The following TRIM14 variants were observed in gnomAD, a reference collection of about 807,000 sequenced individuals.
The protein encoded by TRIM14 is tripartite motif containing 14, also known as tripartite motif-containing protein 14.
Under a neutral mutation model 44.5 loss-of-function variants are expected in TRIM14, and 28 were observed. That is an observed-to-expected ratio of 0.63 (90% confidence interval 0.47 to 0.86). TRIM14 has a LOEUF of 0.86. Ranked by LOEUF, TRIM14 falls within the 40% of genes least tolerant of loss-of-function variation. TRIM14 has a pLI of 0.00. For synonymous variants in TRIM14, 299 were observed against 269.2 expected, an observed-to-expected ratio of 1.11 and a Z score of -1.08; for missense variants, 607 against 611.1, an observed-to-expected ratio of 0.99 and a Z score of 0.07.
At chr9:98,096,201 G>A (rs1826180174) in intron 3 of TRIM14, among the ~76,000 whole-genome samples, 1 of 152,182 alleles carries the variant, frequency 6.6e-6, no homozygotes, top group Non-Finnish European at 1.5e-5. Flanking sequence ...CCACCTGGCA[G>A]CATGCTGTAC....
chr9:98,069,148 T>TA (rs1259630195), downstream of TRIM14: 1 of 152,252 alleles, frequency 6.6e-6, no homozygotes, highest in African/African-American at 2.4e-5. Flanking sequence ...TGAGTGTCAT[T>TA]ACAACTTTTA....
At position 98,098,434 on chromosome 9, in the gene TRIM14, G is replaced by A. The variant is rs557050728; in HGVS notation, c.537+1497C>T. ...CCTAAAGACAGGAACACCATCGGCC[G>A]GGTGCGGTGGCTCACGCCTGTAATC... On this transcript the variant is annotated intron_variant, in intron 3 of 5. Transcript: ENST00000341469. Among the ~76,000 whole-genome samples the A allele has an allele frequency of 2.6e-4, 40 of 152,130 alleles. 1 individual carries two copies. Among genetic ancestry groups the A allele is most frequent in the African/African-American group, 8.7e-4 (36 of 41,514 alleles).
the TRIM14 span, among the ~76,000 whole-genome samples, chr9:98,050,148 T>C: frequency 6.6e-6 from 1 of 152,240 alleles, no homozygotes; most frequent in Non-Finnish European, 1.5e-5. Flanking sequence ...AACTCAGTGA[T>C]TGGCACAGAT....
intron 6 of TRIM14, chr9:98,077,073 A>T: frequency 7.5e-7 from 1 of 1,335,764 alleles, no homozygotes; most frequent in Non-Finnish European, 1.0e-6. Flanking sequence ...TCATATTTTT[A>T]CTCCCCTCAT....
chr9:98,056,916 C>T, the TRIM14 span: 4 of 1,608,424 alleles, frequency 2.5e-6, no homozygotes, highest in Non-Finnish European at 3.4e-6. Flanking sequence ...TGGACGTAGC[C>T]AAGCGCATGA....
chr9:98,056,723 G>C, the TRIM14 span: 1 of 1,515,780 alleles, frequency 6.6e-7, no homozygotes, highest in South Asian at 1.2e-5. Context: ...GGGTCTCGCA[G>C]CGTTGCTCAC....
the TRIM14 span, among the ~76,000 whole-genome samples, chr9:98,042,172 A>C: frequency 6.6e-6 from 1 of 151,244 alleles, no homozygotes; most frequent in African/African-American, 2.4e-5. Context: ...AGGAGCCTCT[A>C]GTCCCAGCTA....
the TRIM14 span, among the ~76,000 whole-genome samples, chr9:98,046,343 C>T: frequency 6.6e-6 from 1 of 152,092 alleles, no homozygotes; most frequent in Non-Finnish European, 1.5e-5. Flanking sequence ...TGGAACATTC[C>T]AAATGAATAA....
chr9:98,113,453 C>T (rs1212545985), intron 1 of TRIM14, among the ~76,000 whole-genome samples: 1 of 152,156 alleles, frequency 6.6e-6, no homozygotes, highest in Non-Finnish European at 1.5e-5. Context: ...CTCCCAGGCT[C>T]AAGCAATCCT....
intron 1 of TRIM14, among the ~76,000 whole-genome samples, chr9:98,110,849 A>AAAATG (rs1587974485): frequency 3.0e-5 from 2 of 65,770 alleles, no homozygotes; most frequent in East Asian, 7.9e-4. Context: ...TCTACCACAA[A>AAAATG]AAATAAAATA....
downstream of TRIM14, among the ~76,000 whole-genome samples, chr9:98,064,404 C>T (rs1829074794): frequency 6.6e-6 from 1 of 152,070 alleles, no homozygotes; most frequent in Non-Finnish European, 1.5e-5. Context: ...CAGGCGCCTG[C>T]CACCACACAC....
chr9:98,099,869 A>T, intron 3 of TRIM14, 62 bp downstream of exon 3: 1 of 1,467,822 alleles, frequency 6.8e-7, no homozygotes, highest in South Asian at 1.1e-5. Context: ...TCAATGCCAC[A>T]ATACTTGAGA....
chr9:98,052,859 A>T, the TRIM14 span, among the ~76,000 whole-genome samples: 2 of 152,204 alleles, frequency 1.3e-5, no homozygotes, highest in East Asian at 3.8e-4. Flanking sequence ...TGGCTTTTGA[A>T]TTCTACCACA....
At chr9:98,098,729 A>G (rs1169409139) in intron 3 of TRIM14, among the ~76,000 whole-genome samples, 1 of 152,048 alleles carries the variant, frequency 6.6e-6, no homozygotes, top group Non-Finnish European at 1.5e-5. Context: ...AGTAGACAGG[A>G]ACACCATCCT....
downstream of TRIM14, among the ~76,000 whole-genome samples, chr9:98,083,675 C>T (rs954924718): frequency 3.3e-5 from 5 of 152,250 alleles, no homozygotes; most frequent in Non-Finnish European, 4.4e-5. Flanking sequence ...TGGCCATGAA[C>T]AAGCCCCAAT....
intron 2 of TRIM14, among the ~76,000 whole-genome samples, chr9:98,105,736 A>G (rs1240596086): frequency 6.6e-6 from 1 of 152,158 alleles, no homozygotes; most frequent in African/African-American, 2.4e-5. Context: ...CGAAAGCCAC[A>G]ATGGGGCCTG....
At chr9:98,046,452 T>TG in the TRIM14 span, among the ~76,000 whole-genome samples, 3 of 152,116 alleles carry the variant, frequency 2.0e-5, no homozygotes, top group African/African-American at 7.2e-5. Context: ...TTTTGTTTTT[T>TG]TTTTCAGAGA....
intron 5 of TRIM14, among the ~76,000 whole-genome samples, chr9:98,090,177 G>C (rs574318416): frequency 6.6e-6 from 1 of 152,282 alleles, no homozygotes; most frequent in East Asian, 1.9e-4. Flanking sequence ...GGAAATGAAA[G>C]ATTATTATTC....
chr9:98,053,696 C>T, the TRIM14 span, among the ~76,000 whole-genome samples: 4 of 151,842 alleles, frequency 2.6e-5, no homozygotes, highest in South Asian at 2.1e-4. Flanking sequence ...CCCTTTTTGC[C>T]GGCATACCAG....
Sources: allele counts gnomAD v4.1 joint callset (sites outside exome capture counted in the v4.1 genomes callset), GRCh38; gene constraint gnomAD v4.1.1; transcripts MANE v1.5; gene names NCBI Gene and HGNC (gene_info 2026-07-23, HGNC 2026-07-21).